RBFOX1: variants seen among roughly 807,000 people sequenced by gnomAD.
The protein encoded by RBFOX1 is RNA binding protein fox-1 homolog 1.
RBFOX1 carries 8 observed loss-of-function variants against 57.7 expected under a neutral mutation model. The ratio of observed to expected loss-of-function variants is 0.14; its 90% CI spans 0.08 to 0.25. The LOEUF (loss-of-function observed/expected upper bound fraction) is 0.25, where lower values mean the gene tolerates loss of function less well. Among genes scored for constraint, RBFOX1 ranks in the 10% least tolerant of loss-of-function variants. The pLI is 1.00. For synonymous variants in RBFOX1, 326 were observed against 222.4 expected, an observed-to-expected ratio of 1.47 and a Z score of -4.15; for missense variants, 611 against 548.5, an observed-to-expected ratio of 1.11 and a Z score of -1.14.
chr16:5,913,485 C>G (rs549916912), intron 4 of RBFOX1, among the ~76,000 whole-genome samples: 1 of 152,162 alleles, frequency 6.6e-6, no homozygotes, highest in Non-Finnish European at 1.5e-5. Context: ...TGGTATCTCT[C>G]TTGCTTCCTC....
chr16:6,703,235 CTTATTATTAT>C (rs546705354), intron 3 of RBFOX1, among the ~76,000 whole-genome samples: 10 of 152,040 alleles, frequency 6.6e-5, no homozygotes, highest in Non-Finnish European at 1.3e-4. Flanking sequence ...CTATTAATTA[CTTATTATTAT>C]TTATTATTAT....
intron 4 of RBFOX1, among the ~76,000 whole-genome samples, chr16:7,435,657 G>T (rs1443062429): frequency 1.3e-5 from 2 of 152,138 alleles, no homozygotes; most frequent in African/African-American, 4.8e-5. Context: ...GGAGAATTTG[G>T]CTCACTACCA....
intron 3 of RBFOX1, among the ~76,000 whole-genome samples, chr16:6,912,989 A>G (rs2072098911): frequency 6.6e-6 from 1 of 151,908 alleles, no homozygotes; most frequent in Admixed American, 6.6e-5. Context: ...GTTACCCAAC[A>G]CTGTGCTTTA....
intron 1 of RBFOX1, among the ~76,000 whole-genome samples, chr16:6,276,673 T>G (rs1306356797): frequency 6.6e-6 from 1 of 152,178 alleles, no homozygotes; most frequent in Non-Finnish European, 1.5e-5. Flanking sequence ...GGATTCATAT[T>G]TATCCCACAC....
At chr16:6,864,115 G>T (rs955883577) in intron 3 of RBFOX1, among the ~76,000 whole-genome samples, 1 of 151,720 alleles carries the variant, frequency 6.6e-6, no homozygotes, top group African/African-American at 2.4e-5. Flanking sequence ...AGAAGAAAGC[G>T]AAGGAGTCTC....
At position 5,996,788 on chromosome 16, in the gene RBFOX1, C is replaced by T. The variant is rs141088921; in HGVS notation, c.351+129453C>T. On this transcript the variant is annotated intron_variant, in intron 4 of 19. Transcript: ENST00000641259. ...GGGGAATAAATATTCCAATGTCACC[C>T]TCTTTCCTTTCTCCATCTCTGCTAG... Among the ~76,000 whole-genome samples the T allele has an allele frequency of 3.6e-3, 542 of 152,294 alleles. 4 individuals carry two copies. Among genetic ancestry groups the T allele is most frequent in the African/African-American group, 0.012 (505 of 41,570 alleles).
At chr16:7,332,779 A>T in intron 4 of RBFOX1, 1 of 1,388,046 alleles carries the variant, frequency 7.2e-7, no homozygotes, top group East Asian at 2.6e-5. Context: ...TCAACTTTGC[A>T]GCTGCTGTGT....
chr16:5,330,098 G>C (rs1300325033), intron 1 of RBFOX1, among the ~76,000 whole-genome samples: 2 of 151,968 alleles, frequency 1.3e-5, no homozygotes, highest in Non-Finnish European at 2.9e-5. Flanking sequence ...GAAGGACATT[G>C]ATCTCATTCA....
At chr16:6,455,098 T>G (rs540992804) in intron 2 of RBFOX1, among the ~76,000 whole-genome samples, 1 of 151,188 alleles carries the variant, frequency 6.6e-6, no homozygotes, top group Non-Finnish European at 1.5e-5. Flanking sequence ...TTTCACTGTG[T>G]TAGCCAGGAT....
At chr16:5,736,479 C>A (rs1454677531) in intron 3 of RBFOX1, among the ~76,000 whole-genome samples, 7 of 152,120 alleles carry the variant, frequency 4.6e-5, no homozygotes, top group Non-Finnish European at 8.8e-5. Flanking sequence ...GTTTCCCTCC[C>A]CGACTCTCCT....
chr16:5,536,671 A>G (rs544350320), intron 2 of RBFOX1, among the ~76,000 whole-genome samples: 152 of 152,278 alleles, frequency 1.0e-3, no homozygotes, highest in African/African-American at 3.3e-3. Flanking sequence ...CCCCACTCCC[A>G]TAACATTAGG....
chr16:5,836,802 G>T (rs1278425592), intron 3 of RBFOX1, among the ~76,000 whole-genome samples: 3 of 152,126 alleles, frequency 2.0e-5, no homozygotes, highest in Non-Finnish European at 4.4e-5. Flanking sequence ...ATTGCCAAAA[G>T]TTGCCTGAAG....
At chr16:6,760,567 A>G (rs2076459532) in intron 3 of RBFOX1, among the ~76,000 whole-genome samples, 1 of 152,210 alleles carries the variant, frequency 6.6e-6, no homozygotes, top group Non-Finnish European at 1.5e-5. Context: ...AGTCTTCTCG[A>G]CAGTTTAGCA....
intron 1 of RBFOX1, among the ~76,000 whole-genome samples, chr16:5,424,936 TCTC>T (rs2067487500): frequency 5.9e-5 from 6 of 100,934 alleles, no homozygotes; most frequent in African/African-American, 1.4e-4. Flanking sequence ...TCTTTCTTTC[TCTC>T]TCTTCTTTCT....
intron 3 of RBFOX1, among the ~76,000 whole-genome samples, chr16:6,993,953 A>G (rs952161034): frequency 1.3e-5 from 2 of 152,220 alleles, no homozygotes; most frequent in Admixed American, 6.5e-5. Flanking sequence ...GGTGCAAGGC[A>G]GAAAGATTAT....
intron 1 of RBFOX1, among the ~76,000 whole-genome samples, chr16:5,347,910 TC>T (rs529482046): frequency 2.1e-3 from 56 of 26,882 alleles, no homozygotes; most frequent in South Asian, 7.2e-3. Flanking sequence ...ATCCACCCCC[TC>T]CCCCCCATCA....
At chr16:5,979,980 G>C (rs558404069) in intron 4 of RBFOX1, among the ~76,000 whole-genome samples, 3 of 152,306 alleles carry the variant, frequency 2.0e-5, no homozygotes, top group South Asian at 2.1e-4. Flanking sequence ...TCTGACACCA[G>C]AGTCCAGACT....
intron 2 of RBFOX1, among the ~76,000 whole-genome samples, chr16:6,443,173 T>G (rs1207640221): frequency 6.6e-6 from 1 of 152,200 alleles, no homozygotes; most frequent in Non-Finnish European, 1.5e-5. Flanking sequence ...CCCTTCCATG[T>G]ATATGAAGGA....
intron 4 of RBFOX1, among the ~76,000 whole-genome samples, chr16:7,125,241 G>A (rs919281572): frequency 6.6e-6 from 1 of 152,184 alleles, no homozygotes; most frequent in African/African-American, 2.4e-5. Context: ...AGCAGAGATA[G>A]AACTTTGGGG....
Sources: allele counts gnomAD v4.1 joint callset (sites outside exome capture counted in the v4.1 genomes callset), GRCh38; gene constraint gnomAD v4.1.1; transcripts MANE v1.5; gene names NCBI Gene and HGNC (gene_info 2026-07-23, HGNC 2026-07-21).